FHOD1: variants seen among roughly 807,000 people sequenced by gnomAD.
FHOD1 encodes the protein formin homology 2 domain containing 1.
In FHOD1, 89 loss-of-function variants were observed where a neutral mutation model predicts 111.6. The observed-to-expected ratio is 0.80, with a 90% confidence interval of 0.67 to 0.95. The LOEUF is 0.95. FHOD1 is among the 40% of genes least tolerant of loss of function. The pLI is 0.00. For synonymous variants in FHOD1, 618 were observed against 639.0 expected, an observed-to-expected ratio of 0.97 and a Z score of 0.50; for missense variants, 1,446 against 1,554.2, an observed-to-expected ratio of 0.93 and a Z score of 1.17.
chr16:67,236,923 C>G, intron 10 of FHOD1, 43 bp downstream of exon 10: 1 of 1,537,098 alleles, frequency 6.5e-7, no homozygotes. Flanking sequence ...TGGGCCATGC[C>G]TAGTAGATCC....
chr16:67,242,315 C>A (rs887947106), intron 1 of FHOD1, among the ~76,000 whole-genome samples: 1 of 152,162 alleles, frequency 6.6e-6, no homozygotes, highest in African/African-American at 2.4e-5. Context: ...CCTGTCCAAT[C>A]CTGCCAGGGC....
At position 67,231,135 on chromosome 16, in the gene FHOD1, A is replaced by G; in HGVS notation, c.2667+53T>C. ...GAAGGGGGAGGAGCCAGGCCCAGGA[A>G]GCAGCGCTCCTCATGCCTTGTCCGG... On this transcript the variant is annotated intron_variant, in intron 17 of 21. Coordinates refer to ENST00000258201, the MANE Select transcript of FHOD1 (RefSeq NM_013241.3). This position sits in a 1 kb window ranked among gnomAD's most constrained non-coding sequence, Gnocchi z 4.3. 6.3e-7 allele frequency: 1 copy of G among 1,597,782 alleles called. No individual in the cohort carries two copies.
At chr16:67,229,752 T>A in intron 21 of FHOD1, 34 bp from the exon 22 acceptor site, 1 of 1,613,896 alleles carries the variant, frequency 6.2e-7, no homozygotes, top group Non-Finnish European at 8.5e-7. Flanking sequence ...AGGGGGTTGA[T>A]GGGGTTCAGG....
At position 67,229,541 on chromosome 16, in the gene FHOD1, GTTCTGGGGCCAGAA is replaced by G; in HGVS notation, c.*81_*94del. The G allele has an allele frequency of 8.8e-7, 1 of 1,134,698 alleles. No homozygotes were observed. The highest frequency in any genetic ancestry group is 1.3e-6 in the Non-Finnish European group (1 of 746,388). The allele number at this position is 1,134,698 out of a possible 1,614,324, so 70.3% of individuals were successfully genotyped here. A position where few individuals can be genotyped will look rare whatever the true frequency, so the allele number is the denominator to read the frequency against. On this transcript the variant is annotated 3_prime_UTR_variant, in exon 22 of 22. Coordinates refer to ENST00000258201, the MANE Select transcript of FHOD1 (RefSeq NM_013241.3). ...TCAAGGCATGGCTCCTGGGCACAGA[GTTCTGGGGCCAGAA>G]TTCTGCTCTGGGCCCTCCTCACTCT...
rs564835168 is a variant in FHOD1 at position 67,240,841 on chromosome 16, C to G, written c.202-1387G>C. ...TTAAGTGGCTCTGGCCCTTGAGATG[C>G]CTTGGCCCAGGGAGAGCCCACCTCT... is the stretch of plus-strand genomic sequence containing the variant. On this transcript the variant is annotated intron_variant, in intron 1 of 21. Transcript: ENST00000258201. Among the ~76,000 whole-genome samples, 105 of 152,336 alleles carry G rather than the reference C, an allele frequency of 6.9e-4. 1 individual carries two copies. Among genetic ancestry groups the G allele is most frequent in the Non-Finnish European group, 1.1e-3 (72 of 68,034 alleles).
At chr16:67,236,778 G>T in intron 10 of FHOD1, 45 bp from the exon 11 acceptor site, 1 of 1,416,078 alleles carries the variant, frequency 7.1e-7, no homozygotes, top group Non-Finnish European at 9.4e-7. Flanking sequence ...AGAAGCTGGA[G>T]GCGGGGCCTG....
At position 67,237,466 on chromosome 16, in the gene FHOD1, T is replaced by C. The variant is rs983327576; in HGVS notation, c.849+9A>G. The C allele has an allele frequency of 3.7e-6, 6 of 1,614,034 alleles. No homozygotes were observed. In the African/African-American group the frequency reaches 6.7e-5, roughly 18 times the overall value. ...CATCCCAGAGCTGGCACCCAGTCCT[T>C]GGCCACACCTTGTTGATGAGGGTGA... is the stretch of plus-strand genomic sequence containing the variant. On this transcript the variant is annotated intron_variant, in intron 8 of 21. Transcript: ENST00000258201. This position sits in a 1 kb window ranked among gnomAD's most constrained non-coding sequence, Gnocchi z 5.6.
intron 1 of FHOD1, 166 bp downstream of exon 1, chr16:67,247,044 G>A (rs1386200747): frequency 5.4e-6 from 4 of 738,626 alleles, no homozygotes; most frequent in South Asian, 2.0e-5. Flanking sequence ...AACTTGAGAG[G>A]GGACTCCCCC....
chr16:67,247,141 C>G, intron 1 of FHOD1, 69 bp downstream of exon 1: 1 of 1,437,060 alleles, frequency 7.0e-7, no homozygotes, highest in Non-Finnish European at 9.2e-7. Flanking sequence ...CGCGGAGCAC[C>G]TCCCACCAGT....
In FHOD1 at chr16:67,230,149, C is replaced by T. The variant is rs746584932; in HGVS notation, c.3131G>A (p.Arg1044Gln). The part of the protein sequence containing the change: ...VPVAVSSGPG[R>Q]GDADSHASMK... ...ACTAGCATGACTGTCAGCATCTCCC[C>T]GGCCTGGCCCGCTGCTCACTGCTAC... The change falls in exon 20 of 22, where the codon CGG becomes CAG. Residue 1044 changes from arginine to glutamine, a missense_variant. Arg to Gln is a conservative substitution (Grantham distance 43). Around this residue, in one of 3 missense-constraint regions of FHOD1, gnomAD observed 1,085 missense variants for 1,108.8 expected, o/e 0.98. Coordinates refer to ENST00000258201, the MANE Select transcript of FHOD1 (RefSeq NM_013241.3). 4.5e-5 allele frequency: 72 copies of T among 1,614,074 alleles called. No individual in the cohort carries two copies. Among genetic ancestry groups the T allele is most frequent in the East Asian group, 6.7e-5 (3 of 44,886 alleles).
chr16:67,229,539 G>C lies in FHOD1; in HGVS notation c.*97C>G, dbSNP rs1224443230. 3.6e-6 allele frequency: 4 copies of C among 1,100,366 alleles called. No individual in the cohort carries two copies. Among genetic ancestry groups the C allele is most frequent in the Non-Finnish European group, 4.2e-6 (3 of 716,194 alleles). 68.2% of individuals were successfully genotyped at this position (1,100,366 alleles called of 1,614,324 possible). On this transcript the variant is annotated 3_prime_UTR_variant, in exon 22 of 22. Transcript: ENST00000258201. ...GCTCAAGGCATGGCTCCTGGGCACA[G>C]AGTTCTGGGGCCAGAATTCTGCTCT...
rs1339755366 is a variant in FHOD1, at chr16:67,238,006, G to A, written c.642+28C>T. ...CCCAGAGAGAAGCAACAGGCAAAGG[G>A]TATAAGGCTGAGTGGAGAGCCACTT... On this transcript the variant is annotated intron_variant, in intron 6 of 21. Coordinates refer to ENST00000258201, the MANE Select transcript of FHOD1 (RefSeq NM_013241.3). This position sits in a 1 kb window ranked among gnomAD's most constrained non-coding sequence, Gnocchi z 4.2. 2 of 1,607,268 alleles carry A rather than the reference G, an allele frequency of 1.2e-6. No homozygotes were observed. Among genetic ancestry groups the A allele is most frequent in the African/African-American group, 2.7e-5 (2 of 74,778 alleles).
chr16:67,240,583 C>T lies in FHOD1; in HGVS notation c.202-1129G>A, dbSNP rs1019764687. ...AGTCTGACTCAGTCTACAGTAGGACCCCAAAGCCTGCCTTTGTAACAAGCA... is the reference window on the plus strand; with the variant it reads ...AGTCTGACTCAGTCTACAGTAGGACTCCAAAGCCTGCCTTTGTAACAAGCA... On this transcript the variant is annotated intron_variant, in intron 1 of 21. Transcript: ENST00000258201. 3.3e-4 allele frequency among the ~76,000 whole-genome samples: 50 copies of T among 152,170 alleles called. 1 individual carries two copies. The highest frequency in any genetic ancestry group is 6.5e-5 in the Admixed American group (1 of 15,286).
In FHOD1 at chr16:67,238,158, G is replaced by A. The variant is rs756399251; in HGVS notation, c.548-30C>T. ...GGAAACAGGGATGGGCAGAGTCAGC[G>A]AGGGTCGCTGGAGCAGAGGTCATGG... On this transcript the variant is annotated intron_variant, in intron 5 of 21. Coordinates refer to ENST00000258201, the MANE Select transcript of FHOD1 (RefSeq NM_013241.3). This position sits in a 1 kb window ranked among gnomAD's most constrained non-coding sequence, Gnocchi z 4.2. The A allele has an allele frequency of 9.9e-6, 16 of 1,614,014 alleles. No homozygotes were observed. The Admixed American group carries it at 1.2e-4, about 12-fold the overall frequency.
chr16:67,244,246 G>A (rs781091743), intron 1 of FHOD1, among the ~76,000 whole-genome samples: 2 of 152,134 alleles, frequency 1.3e-5, no homozygotes, highest in African/African-American at 2.4e-5. Context: ...TACCAGGTGT[G>A]GTAGGGCCTT....
intron 1 of FHOD1, among the ~76,000 whole-genome samples, chr16:67,240,476 C>A (rs2034634066): frequency 6.6e-6 from 1 of 152,184 alleles, no homozygotes; most frequent in Admixed American, 6.5e-5. Flanking sequence ...TTGCAGTGAG[C>A]CGAGATCATG....
Position 67,247,364 on chromosome 16 carries a change from A to G in FHOD1, c.47T>C (p.Val16Ala). The G allele has an allele frequency of 6.2e-7, 1 of 1,613,502 alleles. No individual in the cohort carries two copies. Among genetic ancestry groups the G allele is most frequent in the Non-Finnish European group, 8.5e-7 (1 of 1,179,780 alleles). The change falls in exon 1 of 22, where the codon GTG becomes GCG. Residue 16 changes from valine to alanine, a missense_variant. Coordinates refer to ENST00000258201, the MANE Select transcript of FHOD1 (RefSeq NM_013241.3). ...TTCCAGGTACTGCACCCTCACGGTC[A>G]CCACTGATACCGGCTCTCCGTCCCC... ...DRGDGEPVSVVTVRVQYLEDT... is the reference protein window; with the variant it reads ...DRGDGEPVSVATVRVQYLEDT...
At chr16:67,246,822 C>T in intron 1 of FHOD1, 1 of 224,604 alleles carries the variant, frequency 4.5e-6, no homozygotes, top group Non-Finnish European at 8.8e-6. Context: ...GTCCCGCCCC[C>T]ACCTCACCTG....
chr16:67,230,987 T>C, intron 17 of FHOD1, 196 bp from the exon 18 acceptor site: 1 of 851,078 alleles, frequency 1.2e-6, no homozygotes, highest in South Asian at 1.8e-5. Flanking sequence ...AAGTGGCAGT[T>C]AAACAGACCC....
Sources: gnomAD v4.1 joint callset for allele counts (sites outside exome capture counted in the v4.1 genomes callset) on GRCh38, gnomAD v4.1.1 for gene constraint, gnomAD v4.1.1 regional missense constraint, Gnocchi (gnomAD v3.1) non-coding constraint, MANE v1.5 for transcripts, NCBI Gene and HGNC (gene_info 2026-07-23, HGNC 2026-07-21) for gene names.